The following LAMC1 variants were observed in gnomAD, a reference collection of about 807,000 sequenced individuals.
LAMC1 encodes the protein laminin subunit gamma-1.
LAMC1 carries 38 observed loss-of-function variants against 173.6 expected under a neutral mutation model. That is an observed-to-expected ratio of 0.22 (90% CI 0.17 to 0.29). The LOEUF (loss-of-function observed/expected upper bound fraction) is 0.29, where lower values mean the gene tolerates loss of function less well. Ranked by LOEUF, LAMC1 falls within the 10% of genes least tolerant of loss-of-function variation. The probability of loss-of-function intolerance (pLI) is 1.00; values close to 1 mark genes in which losing one functional copy is unlikely to be tolerated. For missense variants in LAMC1, 1,824 were observed against 2,051.8 expected, an observed-to-expected ratio of 0.89 and a Z score of 2.14; for synonymous variants, 746 against 749.1, an observed-to-expected ratio of 1.00 and a Z score of 0.07.
At chr1:183,032,760 G>T (rs1416689464) in intron 1 of LAMC1, among the ~76,000 whole-genome samples, 1 of 152,074 alleles carries the variant, frequency 6.6e-6, no homozygotes, top group African/African-American at 2.4e-5. Context: ...TTTGTTTCAT[G>T]ATGATAAATC....
At chr1:183,124,550 G>C in intron 13 of LAMC1, 81 bp from the exon 14 acceptor site, 1 of 1,515,858 alleles carries the variant, frequency 6.6e-7, no homozygotes. Context: ...GATTACACTA[G>C]ATTACCTGTA....
intron 20 of LAMC1, among the ~76,000 whole-genome samples, chr1:183,132,120 G>A (rs957626136): frequency 7.9e-5 from 12 of 152,114 alleles, no homozygotes; most frequent in African/African-American, 2.4e-4. Flanking sequence ...CCAACATGGC[G>A]AAACCCATCT....
At chr1:183,114,833 T>G in intron 5 of LAMC1, 114 bp downstream of exon 5, 4 of 993,580 alleles carry the variant, frequency 4.0e-6, no homozygotes, top group Non-Finnish European at 4.4e-6. Context: ...GTATACATTA[T>G]TGTAACACAG....
At chr1:183,040,249 G>A (rs1477348430) in intron 1 of LAMC1, among the ~76,000 whole-genome samples, 2 of 152,142 alleles carry the variant, frequency 1.3e-5, no homozygotes, top group African/African-American at 2.4e-5. Context: ...ACATCATTTT[G>A]TGTTCAACTG....
intron 2 of LAMC1, among the ~76,000 whole-genome samples, chr1:183,104,713 A>AT (rs1655925363): frequency 6.6e-6 from 1 of 152,048 alleles, no homozygotes; most frequent in Non-Finnish European, 1.5e-5. Context: ...ATAAGAATAT[A>AT]TTTTTCTGTG....
intron 1 of LAMC1, among the ~76,000 whole-genome samples, chr1:183,048,585 G>A (rs187451399): frequency 3.3e-5 from 5 of 152,214 alleles, no homozygotes; most frequent in East Asian, 1.9e-4. Context: ...ATTAAAAGGC[G>A]TGTATTTCCT....
rs759314710 is a variant in LAMC1, at chr1:183,131,271, G to A, written c.3487-28G>A. 17 of 1,556,550 alleles carry A rather than the reference G, an allele frequency of 1.1e-5. No homozygotes were observed. The South Asian group carries it at 1.4e-4, about 13-fold the overall frequency. On this transcript the variant is annotated intron_variant, in intron 19 of 27. Transcript: ENST00000258341. The stretch of plus-strand genomic sequence containing the variant: ...TTAAATGTAAATAATTCAGTCCTTT[G>A]AGAATAAGTGCTTTATTTCCTGTGC...
Position 183,023,823 on chromosome 1 carries a change from C to T in LAMC1, c.107C>T (p.Ala36Val). Reference protein sequence around the residue: ...AAAAAGCAQAAMDECTDEGGR... With the variant: ...AAAAAGCAQAVMDECTDEGGR... ...GCCGCGGCGGGCTGTGCCCAGGCAG[C>T]CATGGACGAGTGCACGGACGAGGGC... is the stretch of plus-strand genomic sequence containing the variant. Residue 36 changes from alanine to valine, a missense_variant, in exon 1 of 28, where the codon GCC becomes GTC. Transcript: ENST00000258341. The T allele has an allele frequency of 6.3e-7, 1 of 1,584,696 alleles. No individual in the cohort carries two copies. Among genetic ancestry groups the T allele is most frequent in the Non-Finnish European group, 8.6e-7 (1 of 1,164,656 alleles).
chr1:183,082,523 T>C (rs1655304866), intron 1 of LAMC1, among the ~76,000 whole-genome samples: 1 of 152,242 alleles, frequency 6.6e-6, no homozygotes, highest in African/African-American at 2.4e-5. Flanking sequence ...AGGAGGTTAC[T>C]GGTGATAGGT....
At chr1:183,079,231 GGTTTT>G (rs1655199327) in intron 1 of LAMC1, among the ~76,000 whole-genome samples, 4 of 95,620 alleles carry the variant, frequency 4.2e-5, no homozygotes, top group African/African-American at 1.6e-4. Flanking sequence ...TCTCTAATCT[GGTTTT>G]TTTTTTTTTT....
chr1:183,031,902 A>G (rs1033104702), intron 1 of LAMC1, among the ~76,000 whole-genome samples: 4 of 151,888 alleles, frequency 2.6e-5, no homozygotes, highest in South Asian at 2.1e-4. Context: ...AGTAGAATAA[A>G]ATAATTTAAA....
intron 19 of LAMC1, 147 bp downstream of exon 19, chr1:183,130,696 A>G (rs1422731677): frequency 3.1e-6 from 2 of 640,548 alleles, no homozygotes; most frequent in Admixed American, 2.8e-5. Flanking sequence ...GAAAAGCCAC[A>G]TTGCTCATAG....
chr1:183,039,077 C>T (rs1487814237), intron 1 of LAMC1, among the ~76,000 whole-genome samples: 1 of 152,066 alleles, frequency 6.6e-6, no homozygotes, highest in Non-Finnish European at 1.5e-5. Flanking sequence ...TTCAGTGGTT[C>T]CCATCCATCA....
At chr1:183,136,176 C>A (rs1394587129) in intron 24 of LAMC1, among the ~76,000 whole-genome samples, 4 of 152,192 alleles carry the variant, frequency 2.6e-5, no homozygotes, top group Non-Finnish European at 5.9e-5. Flanking sequence ...AGTAAGAATT[C>A]TATTTCCAGA....
At chr1:183,076,693 C>T (rs78489802) in intron 1 of LAMC1, among the ~76,000 whole-genome samples, 3,162 of 152,272 alleles carry the variant, frequency 0.021, 59 homozygotes, top group South Asian at 0.079. Context: ...AGACAAAGTC[C>T]GTCTGCCACT....
chr1:183,036,891 T>A (rs1313039428), intron 1 of LAMC1, among the ~76,000 whole-genome samples: 1 of 152,178 alleles, frequency 6.6e-6, no homozygotes, highest in Admixed American at 6.5e-5. Flanking sequence ...TTCTTCTGTC[T>A]CAGCCTCCTG....
chr1:183,117,126 T>C, intron 8 of LAMC1, 194 bp from the exon 9 acceptor site: 2 of 679,358 alleles, frequency 2.9e-6, no homozygotes, highest in Non-Finnish European at 2.4e-6. Flanking sequence ...GTTATATAAA[T>C]AGTAATAAAG....
chr1:183,080,498 C>G (rs1295323838), intron 1 of LAMC1, among the ~76,000 whole-genome samples: 3 of 152,116 alleles, frequency 2.0e-5, no homozygotes, highest in African/African-American at 7.2e-5. Context: ...CGGATCAGCC[C>G]CACTTTTGTC....
Position 183,117,674 on chromosome 1 carries a change from G to A in LAMC1, c.1828G>A (p.Ala610Thr), listed in dbSNP as rs570894922. 1.5e-5 allele frequency: 24 copies of A among 1,614,170 alleles called. No homozygotes were observed. The East Asian group carries it at 2.0e-4, about 13-fold the overall frequency. Reference protein sequence around the residue: ...AGLRVSVPLIAQGNSYPSETT... With the variant: ...AGLRVSVPLITQGNSYPSETT... The stretch of plus-strand genomic sequence containing the variant: ...CTTAAGAGTATCTGTACCCTTGATC[G>A]CTCAGGGCAATTCCTATCCAAGTGA... The change falls in exon 10 of 28, where the codon GCT (alanine) becomes ACT (threonine). Residue 610 changes from alanine to threonine, a missense_variant. Physicochemically the swap from Ala to Thr is moderately conservative, Grantham distance 58. Coordinates refer to ENST00000258341, the MANE Select transcript of LAMC1 (RefSeq NM_002293.4).
Sources: allele counts gnomAD v4.1 joint callset (sites outside exome capture counted in the v4.1 genomes callset), GRCh38; gene constraint gnomAD v4.1.1; transcripts MANE v1.5; gene names NCBI Gene and HGNC (gene_info 2026-07-23, HGNC 2026-07-21).